The following LARGE1 variants were observed in gnomAD, a reference collection of about 807,000 sequenced individuals.
The protein encoded by LARGE1 is LARGE xylosyl- and glucuronyltransferase 1.
Under a neutral mutation model 87.6 loss-of-function variants are expected in LARGE1, and 43 were observed. The ratio of observed to expected loss-of-function variants is 0.49; its 90% CI spans 0.38 to 0.63. LARGE1 has a LOEUF of 0.63. Ranked by LOEUF, LARGE1 falls within the 30% of genes least tolerant of loss-of-function variation. The probability of loss-of-function intolerance (pLI) is 0.00; values close to 1 mark genes in which losing one functional copy is unlikely to be tolerated. For synonymous variants in LARGE1, 434 were observed against 394.6 expected, an observed-to-expected ratio of 1.10 and a Z score of -1.18; for missense variants, 802 against 1,000.2, an observed-to-expected ratio of 0.80 and a Z score of 2.67.
chr22:33,369,664 G>T (rs1449804626), intron 9 of LARGE1, among the ~76,000 whole-genome samples: 1 of 152,106 alleles, frequency 6.6e-6, no homozygotes, highest in Admixed American at 6.5e-5. Flanking sequence ...TCCAGGCAGG[G>T]TTCAAGCAAT....
intron 6 of LARGE1, among the ~76,000 whole-genome samples, chr22:33,548,303 G>A (rs973467261): frequency 6.6e-6 from 1 of 152,164 alleles, no homozygotes; most frequent in Admixed American, 6.5e-5. Context: ...TGCCATGACT[G>A]TAAGCTCCTT....
At chr22:33,515,933 C>T (rs1235103746) in intron 6 of LARGE1, among the ~76,000 whole-genome samples, 9 of 152,218 alleles carry the variant, frequency 5.9e-5, no homozygotes, top group African/African-American at 2.2e-4. Flanking sequence ...ACACACAGCA[C>T]CAGCCTGGCA....
chr22:33,389,343 G>A (rs2065435580), intron 7 of LARGE1, among the ~76,000 whole-genome samples: 1 of 152,212 alleles, frequency 6.6e-6, no homozygotes, highest in African/African-American at 2.4e-5. Flanking sequence ...AAAACCCACT[G>A]GGAGTTAAGC....
chr22:33,885,078 T>C (rs2146787523), intron 1 of LARGE1, among the ~76,000 whole-genome samples: 1 of 152,346 alleles, frequency 6.6e-6, no homozygotes, highest in East Asian at 1.9e-4. Context: ...GATTAACCAT[T>C]ATCATCCTCG....
At chr22:33,331,029 G>C (rs919819513) in intron 10 of LARGE1, among the ~76,000 whole-genome samples, 1 of 152,144 alleles carries the variant, frequency 6.6e-6, no homozygotes, top group African/African-American at 2.4e-5. Context: ...CTTTTTACCA[G>C]AGTTGCTAAT....
At chr22:33,380,145 T>G (rs2065112610) in intron 9 of LARGE1, among the ~76,000 whole-genome samples, 1 of 152,248 alleles carries the variant, frequency 6.6e-6, no homozygotes, top group Non-Finnish European at 1.5e-5. Flanking sequence ...ATGTAAAATA[T>G]TTTTTAATCC....
At chr22:33,864,826 G>T (rs2064038491) in intron 1 of LARGE1, among the ~76,000 whole-genome samples, 1 of 152,166 alleles carries the variant, frequency 6.6e-6, no homozygotes, top group Non-Finnish European at 1.5e-5. Flanking sequence ...TTAGCCCACA[G>T]TCCCTGGGTT....
intron 8 of LARGE1, among the ~76,000 whole-genome samples, 169 bp from the exon 9 acceptor site, chr22:33,382,213 A>T (rs2065182954): frequency 6.6e-6 from 1 of 152,132 alleles, no homozygotes; most frequent in African/African-American, 2.4e-5. Flanking sequence ...ATCTCTAGGA[A>T]CCAAGCAATA....
At chr22:33,369,645 AC>A (rs1208969996) in intron 9 of LARGE1, among the ~76,000 whole-genome samples, 1 of 152,044 alleles carries the variant, frequency 6.6e-6, no homozygotes. Flanking sequence ...GCTCACTGCA[AC>A]CTCTGCCTCC....
intron 2 of LARGE1, among the ~76,000 whole-genome samples, chr22:33,695,092 T>TTTTC (rs1220881834): frequency 2.7e-5 from 4 of 148,484 alleles, no homozygotes; most frequent in Admixed American, 6.9e-5. Context: ...TGCAGTAATT[T>TTTTC]TTTCTTTCTT....
At chr22:33,476,751 C>T (rs2148161051) in intron 6 of LARGE1, among the ~76,000 whole-genome samples, 1 of 151,978 alleles carries the variant, frequency 6.6e-6, no homozygotes, top group East Asian at 1.9e-4. Flanking sequence ...AAAAGGTGCT[C>T]TCCAAAGGTA....
chr22:33,340,488 C>A (rs900160758), intron 9 of LARGE1, among the ~76,000 whole-genome samples: 3 of 151,912 alleles, frequency 2.0e-5, no homozygotes. Context: ...GAGGACTGCA[C>A]TGTGAGGTGG....
At chr22:33,630,099 TGA>T (rs1254765327) in intron 3 of LARGE1, among the ~76,000 whole-genome samples, 3 of 152,080 alleles carry the variant, frequency 2.0e-5, no homozygotes, top group Non-Finnish European at 4.4e-5. Flanking sequence ...CTCAGGAGGC[TGA>T]GGCAGGAGAA....
At chr22:33,403,862 C>T (rs1301729732) in intron 7 of LARGE1, among the ~76,000 whole-genome samples, 5 of 152,140 alleles carry the variant, frequency 3.3e-5, no homozygotes, top group South Asian at 2.1e-4. Flanking sequence ...CCTCCCAAAG[C>T]GTTGGGATTA....
chr22:33,595,156 CTTTTT>C (rs1162834783), intron 5 of LARGE1, among the ~76,000 whole-genome samples: 2 of 151,838 alleles, frequency 1.3e-5, no homozygotes, highest in African/African-American at 4.8e-5. Context: ...ACTTCTCTCT[CTTTTT>C]TTTAATTTTT....
chr22:33,491,044 G>A (rs1602089171), intron 6 of LARGE1, among the ~76,000 whole-genome samples: 1 of 152,120 alleles, frequency 6.6e-6, no homozygotes, highest in Admixed American at 6.5e-5. Flanking sequence ...ATTGCTGTGA[G>A]ACCACCTCAG....
intron 11 of LARGE1, among the ~76,000 whole-genome samples, chr22:33,199,995 C>A (rs1602082286): frequency 1.3e-5 from 2 of 151,886 alleles, no homozygotes; most frequent in African/African-American, 2.4e-5. Context: ...ATTACAGGCA[C>A]CTGCCACCAC....
the LARGE1 span, among the ~76,000 whole-genome samples, chr22:33,067,798 G>C: frequency 6.6e-6 from 1 of 152,084 alleles, no homozygotes; most frequent in Non-Finnish European, 1.5e-5. Context: ...TGGCCAAATA[G>C]TGAAACCCCG....
chr22:33,186,509 A>C (rs137393), intron 11 of LARGE1, among the ~76,000 whole-genome samples: 90,665 of 151,922 alleles, frequency 0.6, 27,307 homozygotes, highest in Middle Eastern at 0.66. Flanking sequence ...CTGAAAAAAA[A>C]GTCACATGCA....
Sources: gnomAD v4.1 joint callset for allele counts (sites outside exome capture counted in the v4.1 genomes callset) on GRCh38, gnomAD v4.1.1 for gene constraint, MANE v1.5 for transcripts, NCBI Gene and HGNC (gene_info 2026-07-23, HGNC 2026-07-21) for gene names.